The following TIMP3 variants were observed in gnomAD, a reference collection of about 807,000 sequenced individuals.
TIMP3 encodes the protein TIMP metallopeptidase inhibitor 3.
In TIMP3, 11 loss-of-function variants were observed where a neutral mutation model predicts 30.0. The ratio of observed to expected loss-of-function variants is 0.37; its 90% CI spans 0.23 to 0.61. The LOEUF is 0.61. TIMP3 is among the 20% of genes least tolerant of loss of function. The probability of loss-of-function intolerance (pLI) is 0.70; values close to 1 mark genes in which losing one functional copy is unlikely to be tolerated. For synonymous variants in TIMP3, 112 were observed against 111.3 expected, an observed-to-expected ratio of 1.01 and a Z score of -0.04; for missense variants, 181 against 276.8, an observed-to-expected ratio of 0.65 and a Z score of 2.45.
intron 1 of TIMP3, among the ~76,000 whole-genome samples, chr22:32,806,735 A>C (rs981923351): frequency 1.4e-4 from 22 of 152,214 alleles, no homozygotes; most frequent in Admixed American, 7.2e-4. Flanking sequence ...ATGTCCATGT[A>C]TGTATCTCTC....
Position 32,861,906 on chromosome 22 carries a change from G to A in TIMP3, c.*2529G>A, listed in dbSNP as rs2048550851. On this transcript the variant is annotated 3_prime_UTR_variant, in exon 5 of 5. Transcript: ENST00000266085. ...GTGTCATGTGTAGGCTGTAATATGT[G>A]TACATTGTGTTTAAGAGAAAAATGA... The A allele has an allele frequency of 6.6e-6, 1 of 152,506 alleles. No homozygotes were observed. Among genetic ancestry groups the A allele is most frequent in the East Asian group, 1.9e-4 (1 of 5,192 alleles). The allele number at this position is 152,506 out of a possible 1,614,324, so 9.4% of individuals were successfully genotyped here.
rs375295216 is a variant in TIMP3, at chr22:32,840,822, G to A, written c.122-8630G>A. 7.2e-5 allele frequency among the ~76,000 whole-genome samples: 11 copies of A among 152,226 alleles called. No homozygotes were observed. In the East Asian group the frequency reaches 9.7e-4, roughly 13 times the overall value. ...CTTCTTGGCTCTGTCCTGGCTTTCC[G>A]TCCTTGCTTATATTGCTGAGCCTGC... On this transcript the variant is annotated intron_variant, in intron 1 of 4. Transcript: ENST00000266085.
chr22:32,847,722 G>A (rs1388275250), intron 1 of TIMP3, among the ~76,000 whole-genome samples: 3 of 152,162 alleles, frequency 2.0e-5, no homozygotes, highest in African/African-American at 4.8e-5. Flanking sequence ...TGTGTGTGAA[G>A]GGTATTTTAC....
intron 1 of TIMP3, among the ~76,000 whole-genome samples, chr22:32,802,350 C>T (rs954894861): frequency 1.3e-5 from 2 of 152,090 alleles, no homozygotes; most frequent in African/African-American, 2.4e-5. Flanking sequence ...CCCCTGGCCG[C>T]CTTTGCTTTC....
At chr22:32,815,497 C>T (rs769814586) in intron 1 of TIMP3, among the ~76,000 whole-genome samples, 4 of 152,134 alleles carry the variant, frequency 2.6e-5, no homozygotes, top group Non-Finnish European at 5.9e-5. Flanking sequence ...CTCCTTTAAA[C>T]TCTCATAACC....
chr22:32,822,924 AACAAC>A (rs775311451), intron 1 of TIMP3, among the ~76,000 whole-genome samples: 61 of 22,248 alleles, frequency 2.7e-3, no homozygotes, highest in Non-Finnish European at 4.3e-3. Flanking sequence ...CAACAACAAC[AACAAC>A]AAAAAAAAAA....
intron 2 of TIMP3, among the ~76,000 whole-genome samples, chr22:32,856,447 C>T (rs2048369100): frequency 2.0e-5 from 3 of 152,064 alleles, no homozygotes. Flanking sequence ...CACTGGACAG[C>T]TGAATAGGGG....
chr22:32,849,611 G>A lies in TIMP3; in HGVS notation c.204+77G>A. The A allele has an allele frequency of 9.7e-6, 13 of 1,341,170 alleles. No individual in the cohort carries two copies. In the South Asian group the frequency reaches 1.5e-4, roughly 15 times the overall value. The allele number at this position is 1,341,170 out of a possible 1,614,324, so 83.1% of individuals were successfully genotyped here. A position where few individuals can be genotyped will look rare whatever the true frequency, so the allele number is the denominator to read the frequency against. On this transcript the variant is annotated intron_variant, in intron 2 of 4. Coordinates refer to ENST00000266085, the MANE Select transcript of TIMP3 (RefSeq NM_000362.5). ...AAGAGTCCTGGCTAAGGGAGGCAAA[G>A]TGGGTTGGAACTGGGGTGTGTGTCT... is the stretch of plus-strand genomic sequence containing the variant.
In TIMP3 at chr22:32,843,081, AT is replaced by A. The variant is rs904384506; in HGVS notation, c.122-6360del. 9.5e-3 allele frequency among the ~76,000 whole-genome samples: 1,389 copies of A among 145,968 alleles called. 10 individuals are homozygous for A. The highest frequency in any genetic ancestry group is 0.018 in the African/African-American group (727 of 40,056). ...GGTCTGCTGTCCTGGGGGACCTCCC[AT>A]TTTTTTTTTTCCCCCACTAGGATGC... is the stretch of plus-strand genomic sequence containing the variant. On this transcript the variant is annotated intron_variant, in intron 1 of 4. Coordinates refer to ENST00000266085, the MANE Select transcript of TIMP3 (RefSeq NM_000362.5).
intron 1 of TIMP3, among the ~76,000 whole-genome samples, chr22:32,831,425 C>T (rs549779862): frequency 2.1e-4 from 32 of 152,242 alleles, no homozygotes; most frequent in African/African-American, 7.7e-4. Flanking sequence ...GTTTCAGCTA[C>T]TTCAAAGCCA....
intron 1 of TIMP3, among the ~76,000 whole-genome samples, chr22:32,842,286 T>C (rs2047932508): frequency 6.6e-6 from 1 of 152,022 alleles, no homozygotes; most frequent in African/African-American, 2.4e-5. Context: ...TTTTTGGGAG[T>C]TGGGATTGTG....
chr22:32,854,773 C>T (rs1457171567), intron 2 of TIMP3, among the ~76,000 whole-genome samples: 2 of 152,184 alleles, frequency 1.3e-5, no homozygotes, highest in South Asian at 4.1e-4. Context: ...GGCTGCGTTA[C>T]CGTGCTCAGT....
rs150486879 is a variant in TIMP3 at position 32,840,920 on chromosome 22, A to G, written c.122-8532A>G. On this transcript the variant is annotated intron_variant, in intron 1 of 4. Transcript: ENST00000266085. ...TCCTAGGAGCCTTATGTATCTCTCT[A>G]TCCCTGTATACGTCTTCACAATACT... Among the ~76,000 whole-genome samples the G allele has an allele frequency of 4.5e-4, 69 of 152,172 alleles. 1 individual carries two copies. In the East Asian group the frequency reaches 5.4e-3, roughly 12 times the overall value.
intron 1 of TIMP3, among the ~76,000 whole-genome samples, chr22:32,806,725 A>G (rs2046749888): frequency 6.6e-6 from 1 of 152,200 alleles, no homozygotes; most frequent in Admixed American, 6.5e-5. Flanking sequence ...AATACATTCT[A>G]TGTCCATGTA....
intron 1 of TIMP3, among the ~76,000 whole-genome samples, chr22:32,821,459 G>C (rs1247347119): frequency 6.6e-6 from 1 of 152,232 alleles, no homozygotes; most frequent in African/African-American, 2.4e-5. Context: ...CTCATAGCCA[G>C]AGTTGATAGA....
chr22:32,836,223 C>G (rs1286034772), intron 1 of TIMP3, among the ~76,000 whole-genome samples: 2 of 152,208 alleles, frequency 1.3e-5, no homozygotes, highest in African/African-American at 4.8e-5. Context: ...GTCTTGTTCA[C>G]TTTTCTGTTT....
intron 1 of TIMP3, among the ~76,000 whole-genome samples, chr22:32,830,475 G>A (rs572630683): frequency 1.4e-4 from 22 of 152,266 alleles, no homozygotes; most frequent in African/African-American, 4.6e-4. Flanking sequence ...TCATGTCTTT[G>A]CCCTGTGTGC....
In TIMP3 at chr22:32,801,962, G is replaced by C; in HGVS notation, c.-40G>C. On this transcript the variant is annotated 5_prime_UTR_variant, in exon 1 of 5. Coordinates refer to ENST00000266085, the MANE Select transcript of TIMP3 (RefSeq NM_000362.5). This position sits in a 1 kb window ranked among gnomAD's most constrained non-coding sequence, Gnocchi z 4.7. Reference sequence around the variant, plus strand: ...CGGCGGCGCGCACGGCAACTTTGGAGAGGCGAGCAGCAGCCCCGGCAGCGG... The same window carrying C: ...CGGCGGCGCGCACGGCAACTTTGGACAGGCGAGCAGCAGCCCCGGCAGCGG... 17 of 1,570,600 alleles carry C rather than the reference G, an allele frequency of 1.1e-5. No homozygotes were observed. Among genetic ancestry groups the C allele is most frequent in the Non-Finnish European group, 1.5e-5 (17 of 1,166,714 alleles).
At chr22:32,820,353 C>CGTGT (rs35230068) in intron 1 of TIMP3, among the ~76,000 whole-genome samples, 1,760 of 141,728 alleles carry the variant, frequency 0.012, 42 homozygotes, top group East Asian at 0.1. Flanking sequence ...CATTCCACTG[C>CGTGT]GTGTGTGTGT....
Sources: gnomAD v4.1 joint callset for allele counts (sites outside exome capture counted in the v4.1 genomes callset) on GRCh38, gnomAD v4.1.1 for gene constraint, Gnocchi (gnomAD v3.1) non-coding constraint, MANE v1.5 for transcripts, NCBI Gene and HGNC (gene_info 2026-07-23, HGNC 2026-07-21) for gene names.